RGPD4: variants seen among roughly 807,000 people sequenced by gnomAD.
RGPD4 encodes ranBP2-like and GRIP domain-containing protein 4.
In RGPD4, 84 loss-of-function variants were observed where a neutral mutation model predicts 141.1. The ratio of observed to expected loss-of-function variants is 0.60; its 90% CI spans 0.50 to 0.71. The LOEUF is 0.71. Ranked by LOEUF, RGPD4 falls within the 30% of genes least tolerant of loss-of-function variation. The pLI, the probability that RGPD4 is intolerant of heterozygous loss-of-function variation, is 0.00. For missense variants in RGPD4, 918 were observed against 1,622.4 expected, an observed-to-expected ratio of 0.57 and a Z score of 7.46; for synonymous variants, 298 against 566.8, an observed-to-expected ratio of 0.53 and a Z score of 6.74.
chr2:107,872,688 A>C lies in RGPD4; in HGVS notation c.4684A>C (p.Asn1562His). ...SEKSKPFAFG[N>H]SSATGSLFGF... ...AAAATCAAAACCATTTGCATTTGGC[A>C]ACAGTTCTGCCACTGGGTCTTTGTT... The change falls in exon 20 of 23, where the codon AAC (asparagine) becomes CAC (histidine). Residue 1562 changes from asparagine to histidine, a missense_variant. Coordinates refer to ENST00000408999, the MANE Select transcript of RGPD4 (RefSeq NM_182588.3). The C allele has an allele frequency of 3.1e-6, 5 of 1,611,396 alleles. No individual in the cohort carries two copies. The highest frequency in any genetic ancestry group is 4.2e-6 in the Non-Finnish European group (5 of 1,179,840).
Position 107,833,754 on chromosome 2 carries a change from A to G in RGPD4, c.73-2848A>G, listed in dbSNP as rs1383928884. 2.0e-5 allele frequency among the ~76,000 whole-genome samples: 3 copies of G among 152,134 alleles called. No individual in the cohort carries two copies. In the East Asian group the frequency reaches 5.8e-4, roughly 29 times the overall value. On this transcript the variant is annotated intron_variant, in intron 1 of 22. Coordinates refer to ENST00000408999, the MANE Select transcript of RGPD4 (RefSeq NM_182588.3). Reference sequence around the variant, plus strand: ...TATTTCTTCATTTTGAAAAGGGGGAACTGGCCGGGCTCCGTGGCTGACGCC... The same window carrying G: ...TATTTCTTCATTTTGAAAAGGGGGAGCTGGCCGGGCTCCGTGGCTGACGCC...
chr2:107,865,917 A>G (rs1317496140), intron 17 of RGPD4, among the ~76,000 whole-genome samples: 2 of 139,984 alleles, frequency 1.4e-5, no homozygotes, highest in African/African-American at 5.6e-5. Context: ...TATTATACAA[A>G]AAATTAGCCT....
chr2:107,874,085 G>T (rs1250178160), intron 20 of RGPD4, among the ~76,000 whole-genome samples: 2 of 147,294 alleles, frequency 1.4e-5, no homozygotes, highest in African/African-American at 5.1e-5. Flanking sequence ...AATGTACTGG[G>T]ATGCTGATTT....
intron 1 of RGPD4, among the ~76,000 whole-genome samples, chr2:107,829,720 C>G (rs1439793608): frequency 2.0e-5 from 3 of 152,106 alleles, no homozygotes; most frequent in African/African-American, 4.8e-5. Flanking sequence ...TTGGCGCCGG[C>G]GCTTCCTCTT....
intron 1 of RGPD4, among the ~76,000 whole-genome samples, chr2:107,830,519 G>GC (rs1681446722): frequency 1.3e-5 from 2 of 151,864 alleles, no homozygotes; most frequent in Admixed American, 1.3e-4. Context: ...GGTTATTATG[G>GC]CACCTCTCTT....
chr2:107,834,569 G>C (rs896913027), intron 1 of RGPD4, among the ~76,000 whole-genome samples: 3 of 152,158 alleles, frequency 2.0e-5, no homozygotes, highest in African/African-American at 7.2e-5. Context: ...TATCAGATCA[G>C]TTGTTGGAGT....
intron 18 of RGPD4, among the ~76,000 whole-genome samples, chr2:107,867,250 A>G (rs1682759182): frequency 6.6e-6 from 1 of 151,834 alleles, no homozygotes; most frequent in Admixed American, 6.6e-5. Context: ...GACTTCTGAA[A>G]TGGTAGTAGT....
chr2:107,854,369 T>C (rs1313931023), intron 7 of RGPD4, among the ~76,000 whole-genome samples, 187 bp from the exon 8 acceptor site: 2 of 152,014 alleles, frequency 1.3e-5, no homozygotes, highest in Non-Finnish European at 2.9e-5. Context: ...CGCCTGTACC[T>C]GGCCTATCTT....
intron 6 of RGPD4, among the ~76,000 whole-genome samples, chr2:107,844,823 C>CTTTCTTTCTTTTT (rs1681859004): frequency 1.9e-5 from 1 of 53,856 alleles, no homozygotes; most frequent in Non-Finnish European, 4.1e-5. Flanking sequence ...TTCTTTCTTT[C>CTTTCTTTCTTTTT]TTTTTTGTTT....
At chr2:107,840,475 G>A (rs1199275402) in intron 4 of RGPD4, among the ~76,000 whole-genome samples, 41 of 151,492 alleles carry the variant, frequency 2.7e-4, no homozygotes, top group African/African-American at 7.5e-4. Flanking sequence ...ACCGTGTCCC[G>A]CTTATTTTTG....
chr2:107,878,394 G>A (rs1683154986), intron 20 of RGPD4, among the ~76,000 whole-genome samples: 1 of 142,798 alleles, frequency 7.0e-6, no homozygotes, highest in Admixed American at 6.9e-5. Flanking sequence ...GAGGGAGAAG[G>A]CATGGGACAA....
intron 17 of RGPD4, among the ~76,000 whole-genome samples, chr2:107,865,919 A>C (rs1380103510): frequency 7.2e-6 from 1 of 139,532 alleles, no homozygotes; most frequent in Non-Finnish European, 1.5e-5. Flanking sequence ...TTATACAAAA[A>C]ATTAGCCTGG....
At chr2:107,830,862 G>C (rs1483122714) in intron 1 of RGPD4, among the ~76,000 whole-genome samples, 1 of 151,938 alleles carries the variant, frequency 6.6e-6, no homozygotes, top group East Asian at 1.9e-4. Flanking sequence ...GTCTTCCATT[G>C]TGCTTTCATT....
At chr2:107,882,448 G>A (rs1423765484) in intron 21 of RGPD4, among the ~76,000 whole-genome samples, 1 of 151,184 alleles carries the variant, frequency 6.6e-6, no homozygotes, top group African/African-American at 2.5e-5. Flanking sequence ...TCTCATAGTT[G>A]GAGTTCCGGT....
At chr2:107,868,585 A>AT (rs978067495) in intron 18 of RGPD4, among the ~76,000 whole-genome samples, 2 of 149,690 alleles carry the variant, frequency 1.3e-5, no homozygotes, top group Non-Finnish European at 3.0e-5. Context: ...TGTTAATGTG[A>AT]TTTTTTTAAA....
chr2:107,828,215 C>T (rs1681303930), intron 1 of RGPD4, among the ~76,000 whole-genome samples: 1 of 26,632 alleles, frequency 3.8e-5, no homozygotes. Context: ...TCGACCTGGC[C>T]GGGCGGCGGC....
chr2:107,847,012 C>T lies in RGPD4; in HGVS notation c.783-1329C>T, dbSNP rs1413199658. Among the ~76,000 whole-genome samples, 5 of 151,662 alleles carry T rather than the reference C, an allele frequency of 3.3e-5. No individual in the cohort carries two copies. In the South Asian group the frequency reaches 6.3e-4, roughly 19 times the overall value. On this transcript the variant is annotated intron_variant, in intron 6 of 22. Transcript: ENST00000408999. ...ATCCCAGCACTTTGGGAGGCCAAGG[C>T]GGGTGGATCACGAAGTCAGGAGATC... is the stretch of plus-strand genomic sequence containing the variant.
At chr2:107,827,902 CGGCGGCCTCGACCTGGCCCGGA>C (rs1219361570) in intron 1 of RGPD4, among the ~76,000 whole-genome samples, 3 of 20,368 alleles carry the variant, frequency 1.5e-4, no homozygotes, top group East Asian at 6.6e-4. Flanking sequence ...GGCCGGGCGG[CGGCGGCCTCGACCTGGCCCGGA>C]GGCGGCCTCG....
At chr2:107,845,431 G>A (rs1295695148) in intron 6 of RGPD4, among the ~76,000 whole-genome samples, 1 of 150,376 alleles carries the variant, frequency 6.6e-6, no homozygotes, top group African/African-American at 2.5e-5. Context: ...GCCCTCAGAG[G>A]GGGAGGCTCA....
Sources: allele counts gnomAD v4.1 joint callset (sites outside exome capture counted in the v4.1 genomes callset), GRCh38; gene constraint gnomAD v4.1.1; transcripts MANE v1.5; gene names NCBI Gene and HGNC (gene_info 2026-07-23, HGNC 2026-07-21).